The following PCDHA2 variants were observed in gnomAD, a reference collection of about 807,000 sequenced individuals.
PCDHA2 encodes the protein protocadherin alpha-2.
Under a neutral mutation model 66.0 loss-of-function variants are expected in PCDHA2, and 58 were observed. The ratio of observed to expected loss-of-function variants is 0.88; its 90% CI spans 0.71 to 1.09. PCDHA2 has a LOEUF of 1.09. Ranked by LOEUF, PCDHA2 falls within the 50% of genes least tolerant of loss-of-function variation. The pLI is 0.00. For missense variants in PCDHA2, 1,267 were observed against 1,242.3 expected (o/e 1.02, Z -0.30); for synonymous variants, 634 against 554.0 (o/e 1.14, Z -2.03).
intron 1 of PCDHA2, among the ~76,000 whole-genome samples, chr5:140,911,201 C>G: frequency 6.6e-6 from 1 of 152,110 alleles, no homozygotes; most frequent in Non-Finnish European, 1.5e-5. Context: ...GACATGTTGC[C>G]ACTACTGGGG....
At chr5:140,830,237 C>T (rs2150183295) in intron 1 of PCDHA2, 2 of 1,613,954 alleles carry the variant, frequency 1.2e-6, no homozygotes, top group Non-Finnish European at 1.7e-6. Context: ...CCTCACGCTA[C>T]TGCTGTACAC....
rs1554214040 is a variant in PCDHA2, at chr5:140,941,214, C to CCTTCCTTTCTTTCTTTCTTTCTTTCTTT, written c.2389-37732_2389-37731insCCTTTCTTTCTTTCTTTCTTTCTTTCTT. Reference sequence around the variant, plus strand: ...TTTTTTCTTTCTTCCTTTCTTTCTTCCTTTCTTTCTTTCTTTCTTTCTTTC... The same window carrying CCTTCCTTTCTTTCTTTCTTTCTTTCTTT: ...TTTTTTCTTTCTTCCTTTCTTTCTTCCTTCCTTTCTTTCTTTCTTTCTTTCTTTCTTTCTTTCTTTCTTTCTTTCTTTC... On this transcript the variant is annotated intron_variant, in intron 1 of 3. Transcript: ENST00000526136. Among the ~76,000 whole-genome samples, 25 of 122,492 alleles carry CCTTCCTTTCTTTCTTTCTTTCTTTCTTT rather than the reference C, an allele frequency of 2.0e-4. 1 individual carries two copies. Among genetic ancestry groups the CCTTCCTTTCTTTCTTTCTTTCTTTCTTT allele is most frequent in the East Asian group, 4.6e-4 (2 of 4,322 alleles). The allele number at this position is 122,492 out of a possible 152,430, so 80.4% of individuals were successfully genotyped here.
chr5:140,946,019 C>CA (rs1222084270), intron 1 of PCDHA2, among the ~76,000 whole-genome samples: 3 of 151,732 alleles, frequency 2.0e-5, no homozygotes, highest in Non-Finnish European at 4.4e-5. Flanking sequence ...TCCTGCGCAG[C>CA]AAAGAAAACA....
At chr5:140,808,283 G>A (rs367717209) in intron 1 of PCDHA2, 2 of 1,614,098 alleles carry the variant, frequency 1.2e-6, no homozygotes, top group African/African-American at 2.7e-5. Flanking sequence ...CGCTCCACTG[G>A]GTACAGTCAT....
chr5:140,990,280 G>C (rs1224210562), intron 3 of PCDHA2, among the ~76,000 whole-genome samples: 1 of 152,264 alleles, frequency 6.6e-6, no homozygotes, highest in African/African-American at 2.4e-5. Context: ...CCCGGGTCTT[G>C]AGATTATCGA....
Position 140,796,428 on chromosome 5 carries a change from G to T in PCDHA2, c.1464G>T (p.Ala488=), listed in dbSNP as rs562918602. The part of the protein sequence containing the change: ...SAWDADAQEN[A]LVSYSLVERR... ...GGGATGCGGACGCGCAGGAGAACGCGCTGGTGTCCTACTCGCTGGTGGAGC... is the reference window on the plus strand; with the variant it reads ...GGGATGCGGACGCGCAGGAGAACGCTCTGGTGTCCTACTCGCTGGTGGAGC... The change falls in exon 1 of 4, where the codon GCG becomes GCT. Residue 488 remains alanine, a synonymous_variant. Coordinates refer to ENST00000526136, the MANE Select transcript of PCDHA2 (RefSeq NM_018905.3). 1.2e-6 allele frequency: 2 copies of T among 1,613,742 alleles called. No homozygotes were observed.
rs114961630 is a variant in PCDHA2 at position 140,926,715 on chromosome 5, G to A, written c.2389-52234G>A. 1,110 of 952,350 alleles carry A rather than the reference G, an allele frequency of 1.2e-3. 9 individuals carry two copies. The African/African-American group carries it at 0.017, about 15-fold the overall frequency. The allele number at this position is 952,350 out of a possible 1,614,324, so 59.0% of individuals were successfully genotyped here. A position where few individuals can be genotyped will look rare whatever the true frequency, so the allele number is the denominator to read the frequency against. On this transcript the variant is annotated intron_variant, in intron 1 of 3. Transcript: ENST00000526136. ...GCCCGGCTCCCAGCTGGCCAGCCCC[G>A]GCAATGCCGGCGTTCGGGAGGCGCA... is the stretch of plus-strand genomic sequence containing the variant.
chr5:140,937,527 G>A (rs1190290782), intron 1 of PCDHA2, among the ~76,000 whole-genome samples: 3 of 152,250 alleles, frequency 2.0e-5, no homozygotes, highest in Non-Finnish European at 4.4e-5. Flanking sequence ...TGAGGCAGGA[G>A]AATTGCTTGA....
Position 140,870,808 on chromosome 5 carries a change from G to A in PCDHA2, c.2388+73456G>A, listed in dbSNP as rs368477795. 1.9e-5 allele frequency: 30 copies of A among 1,613,692 alleles called. No individual in the cohort carries two copies. The highest frequency in any genetic ancestry group is 3.3e-5 in the South Asian group (3 of 91,076). On this transcript the variant is annotated intron_variant, in intron 1 of 3. Coordinates refer to ENST00000526136, the MANE Select transcript of PCDHA2 (RefSeq NM_018905.3). ...CGCGCCGGCACTGCTGGCGACTCAGGCTGGCAGCGCGGGAGGCGCAGTTAA... is the reference window on the plus strand; with the variant it reads ...CGCGCCGGCACTGCTGGCGACTCAGACTGGCAGCGCGGGAGGCGCAGTTAA...
At chr5:140,943,670 G>A (rs1161487572) in intron 1 of PCDHA2, among the ~76,000 whole-genome samples, 1 of 152,036 alleles carries the variant, frequency 6.6e-6, no homozygotes, top group Non-Finnish European at 1.5e-5. Flanking sequence ...TGTATAAAGT[G>A]TGAAAAAAAG....
chr5:140,822,217 GA>G, intron 1 of PCDHA2: 1 of 1,614,270 alleles, frequency 6.2e-7, no homozygotes, highest in Non-Finnish European at 8.5e-7. Flanking sequence ...AAGAATGCCA[GA>G]TTCGCGGTTT....
intron 1 of PCDHA2, chr5:140,884,752 A>G (rs954313403): frequency 1.1e-5 from 16 of 1,429,736 alleles, no homozygotes; most frequent in East Asian, 2.5e-5. Context: ...CCAATTTCAA[A>G]TTATTCTTTA....
At chr5:140,828,229 C>A in intron 1 of PCDHA2, 1 of 1,613,968 alleles carries the variant, frequency 6.2e-7, no homozygotes, top group Non-Finnish European at 8.5e-7. Context: ...CCTTCGTGGG[C>A]CGGATCGCGC....
chr5:140,990,686 G>A (rs1391341936), intron 3 of PCDHA2, among the ~76,000 whole-genome samples: 1 of 152,124 alleles, frequency 6.6e-6, no homozygotes, highest in Admixed American at 6.5e-5. Context: ...AGCTGCTTTC[G>A]GAGAGTCCAG....
intron 1 of PCDHA2, among the ~76,000 whole-genome samples, chr5:140,855,354 G>T (rs1250277544): frequency 6.7e-6 from 1 of 149,904 alleles, no homozygotes; most frequent in Non-Finnish European, 1.5e-5. Context: ...AAGTCATGTG[G>T]CTAGTGAGTA....
At chr5:140,944,089 A>G (rs2093608705) in intron 1 of PCDHA2, among the ~76,000 whole-genome samples, 2 of 152,250 alleles carry the variant, frequency 1.3e-5, no homozygotes, top group Non-Finnish European at 1.5e-5. Context: ...AGGCCTGAGT[A>G]AGTTTATATC....
Position 140,829,342 on chromosome 5 carries a change from C to A in PCDHA2, c.2388+31990C>A, listed in dbSNP as rs17844302. On this transcript the variant is annotated intron_variant, in intron 1 of 3. Transcript: ENST00000526136. Reference sequence around the variant, plus strand: ...TGGACAGTGCCCTGGACCGCGAGAGCGTGTCGGCCTATGAGTTGGTGGTAA... The same window carrying A: ...TGGACAGTGCCCTGGACCGCGAGAGAGTGTCGGCCTATGAGTTGGTGGTAA... The A allele has an allele frequency of 4.1e-3, 6,559 of 1,614,192 alleles. 207 individuals carry two copies. In the African/African-American group the frequency reaches 0.072, roughly 18 times the overall value.
intron 3 of PCDHA2, among the ~76,000 whole-genome samples, chr5:140,997,002 G>T (rs534893055): frequency 1.3e-5 from 2 of 152,118 alleles, no homozygotes; most frequent in East Asian, 1.9e-4. Context: ...TAACAATTTT[G>T]TGTGTATCCT....
chr5:140,857,133 C>T, intron 1 of PCDHA2: 3 of 1,598,212 alleles, frequency 1.9e-6, no homozygotes, highest in South Asian at 1.1e-5. Flanking sequence ...AAAGAAGATG[C>T]TCAAGTGGGC....
Sources: allele counts gnomAD v4.1 joint callset (sites outside exome capture counted in the v4.1 genomes callset), GRCh38; gene constraint gnomAD v4.1.1; transcripts MANE v1.5; gene names NCBI Gene and HGNC (gene_info 2026-07-23, HGNC 2026-07-21).